Variants in MEI1 observed in about 807,000 individuals in gnomAD.
MEI1 encodes meiotic double-stranded break formation protein 1.
In MEI1, 103 loss-of-function variants were observed where a neutral mutation model predicts 146.2. The ratio of observed to expected loss-of-function variants is 0.70; its 90% CI spans 0.60 to 0.83. MEI1 has a LOEUF of 0.83. Ranked by LOEUF, MEI1 falls within the 40% of genes least tolerant of loss-of-function variation. The pLI, the probability that MEI1 is intolerant of heterozygous loss-of-function variation, is 0.00. For missense variants in MEI1, 1,529 were observed against 1,533.0 expected, an observed-to-expected ratio of 1.00 and a Z score of 0.04; for synonymous variants, 652 against 628.2, an observed-to-expected ratio of 1.04 and a Z score of -0.57.
At chr22:41,714,186 C>G in intron 4 of MEI1, 111 bp downstream of exon 4, 1 of 1,017,624 alleles carries the variant, frequency 9.8e-7, no homozygotes, top group Non-Finnish European at 1.5e-6. Flanking sequence ...AAGGAGCTTT[C>G]CTGAGGTCAC....
At chr22:41,775,698 A>G (rs2075403928) in intron 20 of MEI1, among the ~76,000 whole-genome samples, 1 of 149,036 alleles carries the variant, frequency 6.7e-6, no homozygotes, top group Non-Finnish European at 1.5e-5. Context: ...GGTTCATGCC[A>G]TCCTCCTGTC....
At chr22:41,775,007 G>A (rs2075368807) in intron 20 of MEI1, among the ~76,000 whole-genome samples, 1 of 152,142 alleles carries the variant, frequency 6.6e-6, no homozygotes, top group Non-Finnish European at 1.5e-5. Context: ...TGGAGAGGGA[G>A]TCTGTGTGAC....
chr22:41,736,327 G>A (rs2072361592), intron 11 of MEI1, among the ~76,000 whole-genome samples: 1 of 148,950 alleles, frequency 6.7e-6, no homozygotes, highest in Non-Finnish European at 1.5e-5. Flanking sequence ...TCAGCTCACT[G>A]CAAGTTGTGC....
chr22:41,761,419 A>G (rs2074484696), intron 18 of MEI1, among the ~76,000 whole-genome samples: 2 of 147,224 alleles, frequency 1.4e-5, no homozygotes, highest in African/African-American at 5.1e-5. Context: ...GGTTCACGCC[A>G]TTCTCCTGCC....
intron 5 of MEI1, 43 bp downstream of exon 5, chr22:41,716,189 C>A: frequency 7.4e-7 from 1 of 1,354,638 alleles, no homozygotes; most frequent in Non-Finnish European, 1.0e-6. Context: ...CTTTTACCTG[C>A]TTTTATCATA....
chr22:41,721,437 G>T (rs2070788209), intron 6 of MEI1, among the ~76,000 whole-genome samples: 1 of 149,882 alleles, frequency 6.7e-6, no homozygotes. Context: ...GTAGAGACGG[G>T]GTTTCACCGT....
At chr22:41,730,824 G>A (rs746844132) in intron 9 of MEI1, among the ~76,000 whole-genome samples, 187 bp downstream of exon 9, 2 of 152,092 alleles carry the variant, frequency 1.3e-5, no homozygotes, top group African/African-American at 4.8e-5. Flanking sequence ...TCTGCTGTTC[G>A]CTGATTATCG....
Position 41,703,337 on chromosome 22 carries a change from C to A in MEI1, c.181C>A (p.Arg61Ser). The change falls in exon 2 of 31, where the codon CGC (arginine) becomes AGC (serine). Residue 61 changes from arginine (R) to serine (S), a missense_variant. Transcript: ENST00000401548. ...LLPDPGVSLV[R>S]KKHMLSCFQD... ...TTTCTTCATTTGCTTCAAGTTAGTGCGCAAGAAGCACATGTTGTCCTGCTT... is the reference window on the plus strand; with the variant it reads ...TTTCTTCATTTGCTTCAAGTTAGTGAGCAAGAAGCACATGTTGTCCTGCTT... 1 of 1,611,944 alleles carries A rather than the reference C, an allele frequency of 6.2e-7. No homozygotes were observed. Among genetic ancestry groups the A allele is most frequent in the Non-Finnish European group, 8.5e-7 (1 of 1,179,020 alleles).
intron 7 of MEI1, among the ~76,000 whole-genome samples, chr22:41,727,485 G>A (rs1303442532): frequency 6.6e-6 from 1 of 152,118 alleles, no homozygotes; most frequent in Non-Finnish European, 1.5e-5. Context: ...AATTCTGATG[G>A]GGGAGGCATC....
chr22:41,770,612 A>G, intron 19 of MEI1, 74 bp from the exon 20 acceptor site: 1 of 1,406,750 alleles, frequency 7.1e-7, no homozygotes, highest in Non-Finnish European at 9.6e-7. Context: ...TTTCCTAGTC[A>G]TCTCTTGGCC....
At chr22:41,772,086 C>T (rs1325723227) in intron 20 of MEI1, among the ~76,000 whole-genome samples, 1 of 152,134 alleles carries the variant, frequency 6.6e-6, no homozygotes, top group Non-Finnish European at 1.5e-5. Context: ...CTACTACACA[C>T]CTAGGTATAT....
At position 41,769,763 on chromosome 22, in the gene MEI1, C is replaced by T. The variant is rs867917938; in HGVS notation, c.2269-923C>T. 6.6e-5 allele frequency among the ~76,000 whole-genome samples: 10 copies of T among 151,920 alleles called. 1 individual carries two copies. The South Asian group carries it at 1.5e-3, about 22-fold the overall frequency. ...CTGGGATTACAGGCATGAGCCCCCA[C>T]GCCCAGCCTCATACTAAGAAATTTG... On this transcript the variant is annotated intron_variant, in intron 19 of 30. Coordinates refer to ENST00000401548, the MANE Select transcript of MEI1 (RefSeq NM_152513.4).
At chr22:41,711,421 C>T (rs1368162448) in intron 3 of MEI1, among the ~76,000 whole-genome samples, 1 of 152,134 alleles carries the variant, frequency 6.6e-6, no homozygotes, top group African/African-American at 2.4e-5. Flanking sequence ...TCCGTTCTGA[C>T]CCCCCGGGGG....
chr22:41,702,282 A>G (rs549858074), intron 1 of MEI1, among the ~76,000 whole-genome samples: 2 of 151,978 alleles, frequency 1.3e-5, no homozygotes, highest in Non-Finnish European at 1.5e-5. Context: ...CTGGGATTAC[A>G]GGCGCCTGCC....
At chr22:41,778,033 T>C (rs1402800997) in intron 21 of MEI1, among the ~76,000 whole-genome samples, 1 of 149,434 alleles carries the variant, frequency 6.7e-6, no homozygotes, top group African/African-American at 2.5e-5. Flanking sequence ...TTCCTTCTCC[T>C]CCTTTCTTCC....
At position 41,703,445 on chromosome 22, in the gene MEI1, G is replaced by T; in HGVS notation, c.289G>T (p.Val97Leu). 6.3e-7 allele frequency: 1 copy of T among 1,577,480 alleles called. No homozygotes were observed. ...GAGAGTCTGCATCCACTTCATAAGT[G>T]TGCTTTTTGGTAAGATTAAGAGGGA... The part of the protein sequence containing the change: ...DQRVCIHFIS[V>L]LFGLLCSMED... The change falls in exon 2 of 31, where the codon GTG (valine) becomes TTG (leucine). Residue 97 changes from valine to leucine, a missense_variant. Coordinates refer to ENST00000401548, the MANE Select transcript of MEI1 (RefSeq NM_152513.4).
At position 41,799,261 on chromosome 22, in the gene MEI1, G is replaced by A. The variant is rs2076492245; in HGVS notation, c.3787G>A (p.Gly1263Arg). 2 of 1,613,410 alleles carry A rather than the reference G, an allele frequency of 1.2e-6. No homozygotes were observed. The highest frequency in any genetic ancestry group is 2.2e-5 in the East Asian group (1 of 44,858). Residue 1263 changes from glycine to arginine, a missense_variant, in exon 31 of 31, where the codon GGA becomes AGA. This residue lies in a region of MEI1 where 313 missense variants were observed against 337.3 expected (regional missense o/e 0.93). Transcript: ENST00000401548. ...CTCATGTTTTGCTGCCAGCTGCCTG[G>A]GAGGGGTGGCTGTATCCCTGTCCCA... is the stretch of plus-strand genomic sequence containing the variant. ...QPPLQDMLCL[G>R]GVAVSLSHIR...
At chr22:41,731,210 C>T (rs1213152478) in intron 9 of MEI1, among the ~76,000 whole-genome samples, 5 of 151,820 alleles carry the variant, frequency 3.3e-5, no homozygotes, top group East Asian at 1.9e-4. Context: ...TGTGCCACCA[C>T]GCCCAGCTAA....
chr22:41,717,997 A>G (rs1032582491), intron 5 of MEI1, 74 bp from the exon 6 acceptor site: 2 of 1,209,190 alleles, frequency 1.7e-6, no homozygotes, highest in Non-Finnish European at 2.3e-6. Flanking sequence ...CCCGTTAGGA[A>G]TAATAGATTG....
Sources: allele counts gnomAD v4.1 joint callset (sites outside exome capture counted in the v4.1 genomes callset), GRCh38; gene constraint gnomAD v4.1.1; regional missense constraint gnomAD v4.1.1; transcripts MANE v1.5; gene names NCBI Gene and HGNC (gene_info 2026-07-23, HGNC 2026-07-21).